The following CSMD1 variants were observed in gnomAD, a reference collection of about 807,000 sequenced individuals.
CSMD1 encodes the protein CUB and sushi domain-containing protein 1.
Under a neutral mutation model 417.5 loss-of-function variants are expected in CSMD1, and 213 were observed. The ratio of observed to expected loss-of-function variants is 0.51; its 90% CI spans 0.46 to 0.57. CSMD1 has a LOEUF of 0.57. Among genes scored for constraint, CSMD1 ranks in the 20% least tolerant of loss-of-function variants. CSMD1 has a pLI of 0.00. For missense variants in CSMD1, 6,923 were observed against 4,529.7 expected (o/e 1.53, Z -15.17); for synonymous variants, 2,862 against 1,736.8 (o/e 1.65, Z -16.11).
At chr8:3,392,418 G>T (rs902468835) in intron 17 of CSMD1, among the ~76,000 whole-genome samples, 6 of 152,070 alleles carry the variant, frequency 3.9e-5, no homozygotes, top group Non-Finnish European at 5.9e-5. Flanking sequence ...GTCGAAGGGT[G>T]CTAGACGGGG....
At chr8:4,376,906 A>G (rs1002021782) in intron 3 of CSMD1, among the ~76,000 whole-genome samples, 3 of 152,154 alleles carry the variant, frequency 2.0e-5, no homozygotes, top group Non-Finnish European at 4.4e-5. Context: ...TTTTGGACAC[A>G]CTACTGTACT....
intron 4 of CSMD1, among the ~76,000 whole-genome samples, chr8:4,017,874 A>G (rs1188829467): frequency 6.6e-6 from 1 of 152,134 alleles, no homozygotes; most frequent in Non-Finnish European, 1.5e-5. Flanking sequence ...ATGGTTTTCA[A>G]CTGACCAAAG....
intron 10 of CSMD1, among the ~76,000 whole-genome samples, chr8:3,507,257 G>T (rs1430948752): frequency 5.3e-5 from 8 of 152,056 alleles, no homozygotes; most frequent in Admixed American, 5.2e-4. Context: ...AAGTAAAAAG[G>T]AAAACTTCTG....
At chr8:3,391,613 A>G (rs1478858335) in intron 17 of CSMD1, among the ~76,000 whole-genome samples, 1 of 152,210 alleles carries the variant, frequency 6.6e-6, no homozygotes, top group Non-Finnish European at 1.5e-5. Context: ...CAGAACTGCA[A>G]TTCTAGGTTT....
chr8:3,454,129 T>G (rs1435803926), intron 12 of CSMD1, among the ~76,000 whole-genome samples: 6 of 152,218 alleles, frequency 3.9e-5, no homozygotes, highest in Non-Finnish European at 7.3e-5. Context: ...AGACTAGGAT[T>G]GCAACCCCTG....
chr8:4,859,189 G>C (rs1289997589), intron 1 of CSMD1, among the ~76,000 whole-genome samples: 1 of 152,008 alleles, frequency 6.6e-6, no homozygotes, highest in African/African-American at 2.4e-5. Context: ...TTAATAAATG[G>C]TGCTGGGAAA....
intron 10 of CSMD1, among the ~76,000 whole-genome samples, chr8:3,538,383 T>C (rs150965809): frequency 8.5e-4 from 129 of 152,130 alleles, no homozygotes; most frequent in Non-Finnish European, 1.5e-3. Context: ...ATTCCACACC[T>C]GGGCTGGTGC....
intron 15 of CSMD1, among the ~76,000 whole-genome samples, chr8:3,400,565 G>T (rs1337573581): frequency 6.6e-6 from 1 of 151,884 alleles, no homozygotes; most frequent in African/African-American, 2.4e-5. Context: ...AAAATTTATG[G>T]AAACTGCATG....
intron 23 of CSMD1, among the ~76,000 whole-genome samples, chr8:3,312,668 G>C (rs764946140): frequency 2.7e-4 from 41 of 152,162 alleles, no homozygotes; most frequent in Non-Finnish European, 4.6e-4. Context: ...AACATCCCTA[G>C]AAATCTGAAG....
intron 3 of CSMD1, among the ~76,000 whole-genome samples, chr8:4,092,269 A>C (rs577195705): frequency 6.6e-6 from 1 of 152,292 alleles, no homozygotes; most frequent in East Asian, 1.9e-4. Flanking sequence ...AATTTGTTCC[A>C]ACCAACTGAG....
intron 12 of CSMD1, among the ~76,000 whole-genome samples, chr8:3,428,527 T>A (rs987106853): frequency 2.6e-5 from 4 of 152,156 alleles, no homozygotes; most frequent in African/African-American, 4.8e-5. Context: ...AAGACTTTCA[T>A]AGCAACCCTT....
intron 8 of CSMD1, among the ~76,000 whole-genome samples, chr8:3,600,263 G>C (rs1307522243): frequency 6.6e-6 from 1 of 152,106 alleles, no homozygotes; most frequent in Admixed American, 6.6e-5. Context: ...AGGAAGCTTA[G>C]GTAAAATTCC....
chr8:3,886,082 G>C (rs1293290636), intron 5 of CSMD1, among the ~76,000 whole-genome samples: 3 of 151,472 alleles, frequency 2.0e-5, no homozygotes, highest in African/African-American at 7.3e-5. Flanking sequence ...ACAGACTCTT[G>C]CTCTGTCGCC....
At chr8:3,798,443 C>T (rs894858598) in intron 5 of CSMD1, among the ~76,000 whole-genome samples, 3 of 151,958 alleles carry the variant, frequency 2.0e-5, no homozygotes, top group Non-Finnish European at 4.4e-5. Context: ...CTGATATACT[C>T]ATTTTGATTT....
intron 20 of CSMD1, among the ~76,000 whole-genome samples, chr8:3,366,347 G>A (rs1809565516): frequency 6.6e-6 from 1 of 151,358 alleles, no homozygotes; most frequent in East Asian, 2.0e-4. Context: ...TCACATGTTT[G>A]GCCAGTTTTT....
intron 3 of CSMD1, among the ~76,000 whole-genome samples, chr8:4,128,511 T>C (rs1194793673): frequency 2.6e-5 from 4 of 152,120 alleles, no homozygotes; most frequent in Admixed American, 2.6e-4. Context: ...AACAAACACA[T>C]TGCTTACTCA....
At chr8:4,396,661 C>T (rs946082826) in intron 3 of CSMD1, among the ~76,000 whole-genome samples, 1 of 151,652 alleles carries the variant, frequency 6.6e-6, no homozygotes, top group African/African-American at 2.4e-5. Context: ...ATATATCTCC[C>T]CATACACACA....
chr8:3,662,606 G>C (rs990182388), intron 7 of CSMD1, among the ~76,000 whole-genome samples: 1 of 152,182 alleles, frequency 6.6e-6, no homozygotes, highest in Non-Finnish European at 1.5e-5. Flanking sequence ...CATCCTTGAA[G>C]AATCTCCACA....
Position 4,146,593 on chromosome 8 carries a change from C to CTTTTTTTTTTTTTTTTTTTTTT in CSMD1, c.416-114495_416-114494insAAAAAAAAAAAAAAAAAAAAAA, listed in dbSNP as rs1208930261. On this transcript the variant is annotated intron_variant, in intron 3 of 69. Transcript: ENST00000635120. The stretch of plus-strand genomic sequence containing the variant: ...ATCTGTCTAAATGTTTATATGGACA[C>CTTTTTTTTTTTTTTTTTTTTTT]ATTTTTTTTTTTTTTTTTTTTTTTT... Among the ~76,000 whole-genome samples the CTTTTTTTTTTTTTTTTTTTTTT allele has an allele frequency of 3.4e-4, 31 of 90,750 alleles. 13 individuals are homozygous for CTTTTTTTTTTTTTTTTTTTTTT. The highest frequency in any genetic ancestry group is 5.7e-4 in the Non-Finnish European group (29 of 51,292). The allele number at this position is 90,750 out of a possible 152,430, so 59.5% of individuals were successfully genotyped here. A position where few individuals can be genotyped will look rare whatever the true frequency, so the allele number is the denominator to read the frequency against.
Sources: allele counts gnomAD v4.1 joint callset (sites outside exome capture counted in the v4.1 genomes callset), GRCh38; gene constraint gnomAD v4.1.1; transcripts MANE v1.5; gene names NCBI Gene and HGNC (gene_info 2026-07-23, HGNC 2026-07-21).